The following MANBA variants were observed in gnomAD, a reference collection of about 807,000 sequenced individuals.
The protein encoded by MANBA is mannosidase beta.
MANBA carries 83 observed loss-of-function variants against 111.1 expected under a neutral mutation model. The ratio of observed to expected loss-of-function variants is 0.75; its 90% CI spans 0.63 to 0.90. The LOEUF is 0.90. Ranked by LOEUF, MANBA falls within the 40% of genes least tolerant of loss-of-function variation. The pLI, the probability that MANBA is intolerant of heterozygous loss-of-function variation, is 0.00. For synonymous variants in MANBA, 370 were observed against 378.7 expected, an observed-to-expected ratio of 0.98 and a Z score of 0.27; for missense variants, 1,036 against 1,069.0, an observed-to-expected ratio of 0.97 and a Z score of 0.43.
At chr4:102,730,061 G>T in intron 1 of MANBA, 3 of 816,416 alleles carry the variant, frequency 3.7e-6, no homozygotes, top group South Asian at 1.6e-5. Context: ...CTAGGGAGAA[G>T]CCTGAGGAGC....
chr4:102,746,188 A>G (rs973208394), intron 1 of MANBA, among the ~76,000 whole-genome samples: 1 of 152,202 alleles, frequency 6.6e-6, no homozygotes, highest in Non-Finnish European at 1.5e-5. Context: ...CAGTGTCCCC[A>G]GCTTCATTAG....
chr4:102,673,684 A>C (rs1463419601), intron 8 of MANBA, among the ~76,000 whole-genome samples: 1 of 152,234 alleles, frequency 6.6e-6, no homozygotes, highest in Non-Finnish European at 1.5e-5. Flanking sequence ...AGTTTTCTAA[A>C]AATCGAATGG....
chr4:102,760,102 A>G (rs1724182214), intron 1 of MANBA, among the ~76,000 whole-genome samples: 1 of 151,840 alleles, frequency 6.6e-6, no homozygotes, highest in African/African-American at 2.4e-5. Context: ...ACACACACAC[A>G]CACACACACG....
In MANBA at chr4:102,744,797, G is replaced by C. The variant is rs1723532133; in HGVS notation, c.177+15921C>G. 2.6e-5 allele frequency among the ~76,000 whole-genome samples: 4 copies of C among 152,292 alleles called. No individual in the cohort carries two copies. The South Asian group carries it at 8.3e-4, about 32-fold the overall frequency. On this transcript the variant is annotated intron_variant, in intron 1 of 16. Coordinates refer to ENST00000647097, the MANE Select transcript of MANBA (RefSeq NM_005908.4). Reference sequence around the variant, plus strand: ...CCCTTGAGACTTTCAGGTCCTTGATGGTGGCACTAATCTCCACAATCCCTC... The same window carrying C: ...CCCTTGAGACTTTCAGGTCCTTGATCGTGGCACTAATCTCCACAATCCCTC...
At chr4:102,668,480 T>C (rs1731323226) in intron 10 of MANBA, 2 of 177,400 alleles carry the variant, frequency 1.1e-5, no homozygotes, top group Non-Finnish European at 2.4e-5. Context: ...TCCTTGCATT[T>C]ATATATCTGT....
intron 12 of MANBA, 188 bp from the exon 13 acceptor site, chr4:102,650,889 C>T (rs1219249401): frequency 1.7e-6 from 1 of 583,878 alleles, no homozygotes; most frequent in Non-Finnish European, 3.0e-6. Flanking sequence ...CTTGTGGAAA[C>T]TGGAATCACA....
chr4:102,714,415 A>C (rs1469055670), intron 5 of MANBA, 23 bp downstream of exon 5: 1 of 1,595,532 alleles, frequency 6.3e-7, no homozygotes, highest in Non-Finnish European at 8.6e-7. Context: ...AAAAAGAAAA[A>C]AAAATCACAT....
At chr4:102,729,920 G>C in intron 1 of MANBA, 2 of 1,494,252 alleles carry the variant, frequency 1.3e-6, no homozygotes, top group Non-Finnish European at 1.9e-6. Context: ...GCACAGCCTG[G>C]ATGTTGGGGT....
intron 7 of MANBA, among the ~76,000 whole-genome samples, chr4:102,682,269 T>A (rs1417864506): frequency 6.6e-6 from 1 of 151,786 alleles, no homozygotes; most frequent in Non-Finnish European, 1.5e-5. Context: ...CATTCAAGAG[T>A]AACCAAACAC....
chr4:102,720,403 C>A (rs939971901), intron 4 of MANBA, among the ~76,000 whole-genome samples: 9 of 147,750 alleles, frequency 6.1e-5, no homozygotes, highest in African/African-American at 2.3e-4. Flanking sequence ...CCACTGCACT[C>A]CAGCCTGGGC....
chr4:102,636,504 T>C (rs575474612), intron 14 of MANBA, among the ~76,000 whole-genome samples: 159 of 152,342 alleles, frequency 1.0e-3, no homozygotes, highest in African/African-American at 3.8e-3. Context: ...GGTGCATGAC[T>C]GTATATAATA....
At chr4:102,670,747 C>T (rs1012838308) in intron 9 of MANBA, among the ~76,000 whole-genome samples, 1 of 152,034 alleles carries the variant, frequency 6.6e-6, no homozygotes, top group African/African-American at 2.4e-5. Flanking sequence ...TGCCTGTAAT[C>T]CCAGCTGCTC....
chr4:102,719,041 G>C (rs922527450), intron 4 of MANBA, among the ~76,000 whole-genome samples: 1 of 152,134 alleles, frequency 6.6e-6, no homozygotes, highest in Non-Finnish European at 1.5e-5. Context: ...CAGGAAACAG[G>C]GTTCGAGAGC....
In MANBA at chr4:102,729,621, T is replaced by C; in HGVS notation, c.178-2938A>G. The C allele has an allele frequency of 3.0e-6, 3 of 1,004,642 alleles. No homozygotes were observed. In the Admixed American group the frequency reaches 5.1e-5, roughly 17 times the overall value. 62.2% of individuals were successfully genotyped at this position (1,004,642 alleles called of 1,614,324 possible). ...TTCATTCTCCACCTCTGTACACTTA[T>C]TGATCTCATCCTCATACTTGTTCTT... On this transcript the variant is annotated intron_variant, in intron 1 of 16. Transcript: ENST00000647097.
At chr4:102,735,356 T>C (rs1723177552) in intron 1 of MANBA, among the ~76,000 whole-genome samples, 1 of 151,972 alleles carries the variant, frequency 6.6e-6, no homozygotes, top group African/African-American at 2.4e-5. Context: ...GTTCAAGGTG[T>C]GCCTTTTACT....
intron 11 of MANBA, chr4:102,663,213 T>G (rs1043336234): frequency 6.6e-6 from 1 of 152,104 alleles, no homozygotes; most frequent in Non-Finnish European, 1.5e-5. Context: ...GACTGAGTCA[T>G]GTGCCTTCCA....
intron 1 of MANBA, among the ~76,000 whole-genome samples, chr4:102,735,604 T>C (rs1205692176): frequency 2.0e-5 from 3 of 152,004 alleles, no homozygotes; most frequent in Admixed American, 2.0e-4. Context: ...CCTAATTTGG[T>C]TCCAGGTTGG....
At chr4:102,733,997 C>T (rs868108597) in intron 1 of MANBA, among the ~76,000 whole-genome samples, 7 of 152,314 alleles carry the variant, frequency 4.6e-5, no homozygotes, top group South Asian at 2.1e-4. Flanking sequence ...GTTTATGGCA[C>T]GGAAATTATT....
At chr4:102,703,603 G>C (rs1362444769) in intron 5 of MANBA, among the ~76,000 whole-genome samples, 1 of 152,180 alleles carries the variant, frequency 6.6e-6, no homozygotes, top group Non-Finnish European at 1.5e-5. Flanking sequence ...ATCAGTGCTT[G>C]AGATATTCTG....
Sources: allele counts gnomAD v4.1 joint callset (sites outside exome capture counted in the v4.1 genomes callset), GRCh38; gene constraint gnomAD v4.1.1; transcripts MANE v1.5; gene names NCBI Gene and HGNC (gene_info 2026-07-23, HGNC 2026-07-21).